NDUFAF2: variants seen among roughly 807,000 people sequenced by gnomAD.
NDUFAF2 encodes the protein NADH:ubiquinone oxidoreductase complex assembly factor 2, also known as NADH dehydrogenase [ubiquinone] 1 alpha subcomplex assembly factor 2.
In NDUFAF2, 13 loss-of-function variants were observed where a neutral mutation model predicts 22.8. That is an observed-to-expected ratio of 0.57 (90% CI 0.37 to 0.91). The LOEUF (loss-of-function observed/expected upper bound fraction) is 0.91. Ranked by LOEUF, NDUFAF2 falls within the 40% of genes least tolerant of loss-of-function variation. The probability of loss-of-function intolerance (pLI) is 0.01; values close to 1 mark genes in which losing one functional copy is unlikely to be tolerated. For missense variants in NDUFAF2, 162 were observed against 195.2 expected (o/e 0.83, Z 1.01); for synonymous variants, 53 against 64.2 (o/e 0.83, Z 0.84).
intron 1 of NDUFAF2, among the ~76,000 whole-genome samples, chr5:60,995,632 A>C (rs1751219376): frequency 6.6e-6 from 1 of 152,188 alleles, no homozygotes; most frequent in African/African-American, 2.4e-5. Context: ...TCAGACCTGA[A>C]GCCAACACAG....
At chr5:61,095,506 G>T (rs1006292570) in intron 2 of NDUFAF2, among the ~76,000 whole-genome samples, 1 of 152,168 alleles carries the variant, frequency 6.6e-6, no homozygotes, top group Non-Finnish European at 1.5e-5. Flanking sequence ...TAGCCCCCTC[G>T]ATTCAGCCTT....
chr5:61,137,410 A>G (rs1330125456), intron 3 of NDUFAF2, among the ~76,000 whole-genome samples: 1 of 152,244 alleles, frequency 6.6e-6, no homozygotes, highest in Non-Finnish European at 1.5e-5. Context: ...CAAGCCATAT[A>G]AACAAATACA....
rs58290567 is a variant in NDUFAF2, at chr5:61,050,131, A to T, written c.128-22994A>T. 2.8e-3 allele frequency among the ~76,000 whole-genome samples: 420 copies of T among 151,696 alleles called. 1 individual carries two copies. Among genetic ancestry groups the T allele is most frequent in the African/African-American group, 6.0e-3 (250 of 41,402 alleles). ...AAAGTGGTAATACTATTATATATATATTTTTTTTGAGGAACTGCCATAATG... is the reference window on the plus strand; with the variant it reads ...AAAGTGGTAATACTATTATATATATTTTTTTTTTGAGGAACTGCCATAATG... On this transcript the variant is annotated intron_variant, in intron 1 of 3. Coordinates refer to ENST00000296597, the MANE Select transcript of NDUFAF2 (RefSeq NM_174889.5).
At chr5:61,047,647 T>C (rs745985263) in intron 1 of NDUFAF2, among the ~76,000 whole-genome samples, 5 of 152,120 alleles carry the variant, frequency 3.3e-5, no homozygotes, top group Non-Finnish European at 7.4e-5. Context: ...TCATGTTATT[T>C]AAACTGTGAT....
intron 1 of NDUFAF2, among the ~76,000 whole-genome samples, chr5:61,065,488 G>A (rs1055318254): frequency 1.3e-5 from 2 of 152,008 alleles, no homozygotes; most frequent in African/African-American, 2.4e-5. Context: ...ATCAAAAGGT[G>A]TATACACCAG....
intron 1 of NDUFAF2, among the ~76,000 whole-genome samples, chr5:61,039,136 G>A (rs1399460399): frequency 3.9e-5 from 5 of 128,272 alleles, no homozygotes; most frequent in Admixed American, 8.6e-5. Flanking sequence ...TCTCACAGCT[G>A]ACAGGCCAAA....
intron 3 of NDUFAF2, among the ~76,000 whole-genome samples, chr5:61,144,779 G>T (rs2111829614): frequency 6.6e-6 from 1 of 152,268 alleles, no homozygotes; most frequent in African/African-American, 2.4e-5. Context: ...ATATTAGAGT[G>T]CATTTCCAAA....
chr5:61,048,456 G>C (rs1561550901), intron 1 of NDUFAF2, among the ~76,000 whole-genome samples: 6 of 152,064 alleles, frequency 3.9e-5, no homozygotes, highest in Admixed American at 3.9e-4. Context: ...GGCATATATG[G>C]TTTTTGTTTT....
At chr5:60,963,128 C>G (rs1750713306) in intron 1 of NDUFAF2, among the ~76,000 whole-genome samples, 1 of 152,076 alleles carries the variant, frequency 6.6e-6, no homozygotes, top group Non-Finnish European at 1.5e-5. Flanking sequence ...TCGTGATCCA[C>G]CTGCCCTGGC....
intron 1 of NDUFAF2, among the ~76,000 whole-genome samples, chr5:60,996,038 A>G (rs1223653171): frequency 1.3e-5 from 2 of 152,124 alleles, no homozygotes; most frequent in Non-Finnish European, 2.9e-5. Context: ...ACCCTTCAGG[A>G]CAGTGGGCTC....
At chr5:60,953,272 G>GT (rs891249407) in intron 1 of NDUFAF2, among the ~76,000 whole-genome samples, 31 of 151,924 alleles carry the variant, frequency 2.0e-4, no homozygotes, top group African/African-American at 6.5e-4. Context: ...TGAGTTCAGG[G>GT]TTTTTTTTAA....
intron 1 of NDUFAF2, among the ~76,000 whole-genome samples, chr5:61,005,644 A>G (rs1237789754): frequency 6.6e-6 from 1 of 152,106 alleles, no homozygotes; most frequent in African/African-American, 2.4e-5. Flanking sequence ...CTGGTGTGAG[A>G]TGGTATCTCA....
intron 1 of NDUFAF2, among the ~76,000 whole-genome samples, chr5:60,988,723 G>T (rs891383800): frequency 1.3e-5 from 2 of 152,122 alleles, no homozygotes; most frequent in African/African-American, 4.8e-5. Context: ...AACTGGCTAG[G>T]TATATGTGGA....
intron 2 of NDUFAF2, among the ~76,000 whole-genome samples, chr5:61,090,817 T>A (rs570541173): frequency 6.6e-6 from 1 of 152,212 alleles, no homozygotes; most frequent in South Asian, 2.1e-4. Context: ...TTAGTTATTT[T>A]TCCTGATCCT....
Position 60,983,682 on chromosome 5 carries a change from G to C in NDUFAF2, c.127+38300G>C, listed in dbSNP as rs879832021. 6.1e-3 allele frequency among the ~76,000 whole-genome samples: 919 copies of C among 150,462 alleles called. 14 individuals are homozygous for C. Among genetic ancestry groups the C allele is most frequent in the Non-Finnish European group, 8.0e-3 (539 of 67,528 alleles). On this transcript the variant is annotated intron_variant, in intron 1 of 3. Transcript: ENST00000296597. ...AATCCTTTCCCCATTTCTTGTTTTT[G>C]TCAGGTTTGTCAAAGATCAGATAGT...
chr5:60,974,583 G>A (rs987116889), intron 1 of NDUFAF2, among the ~76,000 whole-genome samples: 6 of 151,750 alleles, frequency 4.0e-5, no homozygotes, highest in African/African-American at 1.5e-4. Context: ...AAACTCCTGA[G>A]CTCAGGTAAT....
At chr5:60,982,576 T>A (rs570618077) in intron 1 of NDUFAF2, among the ~76,000 whole-genome samples, 1 of 116,446 alleles carries the variant, frequency 8.6e-6, no homozygotes, top group African/African-American at 3.4e-5. Context: ...CAGGCCCTGG[T>A]GTGTGATGTT....
Position 61,074,359 on chromosome 5 carries a change from C to T in NDUFAF2, c.217+1145C>T, listed in dbSNP as rs778554570. ...ATCCCAGCACTTTGGGAGGCCAAGGCGGGTGGATCATGAGGTCAAGAGATT... is the reference window on the plus strand; with the variant it reads ...ATCCCAGCACTTTGGGAGGCCAAGGTGGGTGGATCATGAGGTCAAGAGATT... On this transcript the variant is annotated intron_variant, in intron 2 of 3. Coordinates refer to ENST00000296597, the MANE Select transcript of NDUFAF2 (RefSeq NM_174889.5). Among the ~76,000 whole-genome samples the T allele has an allele frequency of 3.3e-5, 5 of 152,138 alleles. No homozygotes were observed. In the South Asian group the frequency reaches 8.3e-4, roughly 25 times the overall value.
At chr5:61,040,296 G>GCGCA (rs1554080875) in intron 1 of NDUFAF2, among the ~76,000 whole-genome samples, 2 of 145,514 alleles carry the variant, frequency 1.4e-5, no homozygotes, top group African/African-American at 5.1e-5. Flanking sequence ...ACGCGCGCGC[G>GCGCA]CGCGCGAAAG....
Sources: allele counts gnomAD v4.1 joint callset (sites outside exome capture counted in the v4.1 genomes callset), GRCh38; gene constraint gnomAD v4.1.1; transcripts MANE v1.5; gene names NCBI Gene and HGNC (gene_info 2026-07-23, HGNC 2026-07-21).